SLIT3: variants seen among roughly 807,000 people sequenced by gnomAD.
The protein encoded by SLIT3 is slit guidance ligand 3.
Under a neutral mutation model 184.0 loss-of-function variants are expected in SLIT3, and 68 were observed. The ratio of observed to expected loss-of-function variants is 0.37; its 90% CI spans 0.30 to 0.45. The LOEUF is 0.45. SLIT3 is among the 20% of genes least tolerant of loss of function. The pLI is 1.00. For synonymous variants in SLIT3, 831 were observed against 828.6 expected (o/e 1.00, Z -0.05); for missense variants, 1,707 against 2,026.0 (o/e 0.84, Z 3.02).
chr5:168,807,512 A>G (rs884787), intron 8 of SLIT3, among the ~76,000 whole-genome samples: 16,949 of 152,184 alleles, frequency 0.11, 1,227 homozygotes, highest in African/African-American at 0.2. Flanking sequence ...TTTTTGGTCC[A>G]AAACAGAAGC....
intron 20 of SLIT3, among the ~76,000 whole-genome samples, chr5:168,744,735 T>C (rs542872314): frequency 5.3e-5 from 8 of 152,372 alleles, no homozygotes; most frequent in Non-Finnish European, 1.0e-4. Context: ...AAGCCCATCG[T>C]TGAGACCTGC....
intron 4 of SLIT3, among the ~76,000 whole-genome samples, chr5:168,951,254 T>TAATTTC (rs1316731099): frequency 6.6e-6 from 1 of 152,124 alleles, no homozygotes; most frequent in African/African-American, 2.4e-5. Context: ...CAAATCTATT[T>TAATTTC]AATTTCAGTG....
Position 168,673,063 on chromosome 5 carries a change from T to C in SLIT3, c.3841+114A>G, listed in dbSNP as rs1430912128. 3.1e-6 allele frequency: 3 copies of C among 973,686 alleles called. No homozygotes were observed. In the African/African-American group the frequency reaches 4.9e-5, roughly 16 times the overall value. The allele number at this position is 973,686 out of a possible 1,614,324, so 60.3% of individuals were successfully genotyped here. On this transcript the variant is annotated intron_variant, in intron 33 of 35. Coordinates refer to ENST00000519560, the MANE Select transcript of SLIT3 (RefSeq NM_003062.4). ...ATTCACCTTTTAGAGATCAGCTTCG[T>C]TGTCCCTTCCTCCAGGAAGCCTTCC...
chr5:169,074,875 C>T (rs577416582), intron 4 of SLIT3, among the ~76,000 whole-genome samples: 1 of 152,252 alleles, frequency 6.6e-6, no homozygotes, highest in African/African-American at 2.4e-5. Context: ...CCAGAGCCAC[C>T]TGAGGGCTTT....
intron 4 of SLIT3, among the ~76,000 whole-genome samples, chr5:169,094,848 T>A (rs1014343400): frequency 3.9e-5 from 6 of 152,182 alleles, no homozygotes; most frequent in Non-Finnish European, 8.8e-5. Flanking sequence ...CACAGTTGCA[T>A]TTGCATCACA....
chr5:168,898,510 C>A (rs928046065), intron 4 of SLIT3, among the ~76,000 whole-genome samples: 2 of 151,692 alleles, frequency 1.3e-5, no homozygotes, highest in African/African-American at 4.9e-5. Context: ...CATGTCAATA[C>A]CTTAATTAAA....
chr5:169,082,875 C>A (rs1211232687), intron 4 of SLIT3, among the ~76,000 whole-genome samples: 1 of 152,176 alleles, frequency 6.6e-6, no homozygotes, highest in African/African-American at 2.4e-5. Context: ...TCCTTCTCTG[C>A]CTCAATAACA....
intron 4 of SLIT3, among the ~76,000 whole-genome samples, chr5:169,023,465 G>A (rs1756681924): frequency 6.6e-6 from 1 of 152,140 alleles, no homozygotes; most frequent in Non-Finnish European, 1.5e-5. Context: ...AGGCCTCTGG[G>A]TTGTAGGATA....
At chr5:168,932,347 GACACACACACACAC>G (rs375350401) in intron 4 of SLIT3, among the ~76,000 whole-genome samples, 35 of 131,144 alleles carry the variant, frequency 2.7e-4, no homozygotes, top group South Asian at 5.4e-4. Context: ...AGGGGAAAAA[GACACACACACACAC>G]ACACACACAC....
intron 12 of SLIT3, among the ~76,000 whole-genome samples, chr5:168,774,994 A>T (rs1755693316): frequency 6.8e-6 from 1 of 147,758 alleles, no homozygotes; most frequent in South Asian, 2.2e-4. Flanking sequence ...CCTCATCCTA[A>T]CCCCACTCAC....
At chr5:169,213,949 G>A (rs1042263052) in intron 3 of SLIT3, among the ~76,000 whole-genome samples, 2 of 152,196 alleles carry the variant, frequency 1.3e-5, no homozygotes, top group Non-Finnish European at 2.9e-5. Flanking sequence ...GTGGCCAAAC[G>A]AAGGTACCAA....
intron 4 of SLIT3, among the ~76,000 whole-genome samples, chr5:168,927,273 A>C (rs1761860299): frequency 6.6e-6 from 1 of 152,234 alleles, no homozygotes; most frequent in Admixed American, 6.5e-5. Context: ...AGTCATAAAA[A>C]GACAAATACT....
chr5:168,765,934 G>A (rs1324451884), intron 14 of SLIT3, among the ~76,000 whole-genome samples: 3 of 152,064 alleles, frequency 2.0e-5, no homozygotes, highest in African/African-American at 7.2e-5. Context: ...CGGGGGGGTG[G>A]GGGTAGGAGG....
At chr5:169,014,033 T>A (rs777009401) in intron 4 of SLIT3, among the ~76,000 whole-genome samples, 5 of 151,988 alleles carry the variant, frequency 3.3e-5, no homozygotes, top group Non-Finnish European at 7.4e-5. Context: ...CGCAAAAACT[T>A]TGAGGTCTGC....
intron 4 of SLIT3, among the ~76,000 whole-genome samples, chr5:168,893,758 G>C (rs1760558840): frequency 6.6e-6 from 1 of 152,176 alleles, no homozygotes; most frequent in Admixed American, 6.5e-5. Context: ...TTATGAAATT[G>C]TTCTGAAATG....
intron 4 of SLIT3, among the ~76,000 whole-genome samples, chr5:169,180,263 G>A (rs973139970): frequency 2.6e-5 from 4 of 152,154 alleles, no homozygotes; most frequent in Non-Finnish European, 4.4e-5. Flanking sequence ...ACAGGAAGAA[G>A]GCTCATGATG....
chr5:169,028,166 C>G (rs748528644), intron 4 of SLIT3, among the ~76,000 whole-genome samples: 1 of 151,986 alleles, frequency 6.6e-6, no homozygotes, highest in African/African-American at 2.4e-5. Context: ...AATTGTAAAC[C>G]TTGTGACCAC....
intron 4 of SLIT3, among the ~76,000 whole-genome samples, chr5:169,035,879 G>A (rs1202319768): frequency 1.3e-5 from 2 of 151,932 alleles, no homozygotes; most frequent in East Asian, 1.9e-4. Flanking sequence ...AGTTAATATC[G>A]TAGAGTCTTG....
intron 3 of SLIT3, among the ~76,000 whole-genome samples, chr5:169,204,952 C>T (rs1201295345): frequency 6.6e-6 from 1 of 152,086 alleles, no homozygotes; most frequent in African/African-American, 2.4e-5. Context: ...ATTCAAGTCC[C>T]CTGGGTGAGA....
Sources: gnomAD v4.1 joint callset for allele counts (sites outside exome capture counted in the v4.1 genomes callset) on GRCh38, gnomAD v4.1.1 for gene constraint, MANE v1.5 for transcripts, NCBI Gene and HGNC (gene_info 2026-07-23, HGNC 2026-07-21) for gene names.